Variants in TENT4A observed in about 807,000 individuals in gnomAD.
TENT4A encodes the protein terminal nucleotidyltransferase 4A, also known as DNA polymerase kappa.
TENT4A carries 7 observed loss-of-function variants against 72.8 expected under a neutral mutation model. That is an observed-to-expected ratio of 0.10 (90% CI 0.05 to 0.18). The LOEUF (loss-of-function observed/expected upper bound fraction) is 0.18, where lower values mean the gene tolerates loss of function less well. Ranked by LOEUF, TENT4A falls within the 10% of genes least tolerant of loss-of-function variation. TENT4A has a pLI of 1.00. For synonymous variants in TENT4A, 456 were observed against 434.3 expected (o/e 1.05, Z -0.62); for missense variants, 831 against 1,017.7 (o/e 0.82, Z 2.50).
intron 2 of TENT4A, 77 bp downstream of exon 2, chr5:6,737,710 G>C: frequency 6.8e-7 from 1 of 1,478,752 alleles, no homozygotes; most frequent in Admixed American, 2.2e-5. Context: ...ATGATGTGTC[G>C]GCTAGATCCA....
intron 1 of TENT4A, among the ~76,000 whole-genome samples, chr5:6,733,628 T>C (rs1215949075): frequency 6.6e-6 from 1 of 152,226 alleles, no homozygotes; most frequent in Non-Finnish European, 1.5e-5. Flanking sequence ...AGGTTTGGTA[T>C]GTGAGAACAT....
Position 6,714,252 on chromosome 5 carries a change from C to G in TENT4A, c.269C>G (p.Thr90Arg). 9.7e-7 allele frequency: 1 copy of G among 1,031,526 alleles called. No individual in the cohort carries two copies. Among genetic ancestry groups the G allele is most frequent in the African/African-American group, 1.7e-5 (1 of 57,292 alleles). 63.9% of individuals were successfully genotyped at this position (1,031,526 alleles called of 1,614,324 possible). A position where few individuals can be genotyped will look rare whatever the true frequency, so the allele number is the denominator to read the frequency against. ...GCCGCGCTGCCCCCCGCGCTGCTGACGGCGCTGGGGCCCGCGGCCGAGGGC... is the reference window on the plus strand; with the variant it reads ...GCCGCGCTGCCCCCCGCGCTGCTGAGGGCGCTGGGGCCCGCGGCCGAGGGC... ...APAALPPALL[T>R]ALGPAAEGAR... The change falls in exon 1 of 13, where the codon ACG becomes AGG. Residue 90 changes from threonine (T) to arginine (R), a missense_variant. By Grantham distance (71) the Thr-to-Arg change is moderately conservative. Coordinates refer to ENST00000230859, the MANE Select transcript of TENT4A (RefSeq NM_006999.6).
At chr5:6,732,601 A>T (rs1336960676) in intron 1 of TENT4A, among the ~76,000 whole-genome samples, 1 of 152,232 alleles carries the variant, frequency 6.6e-6, no homozygotes, top group Admixed American at 6.5e-5. Flanking sequence ...CTTGCAAGGC[A>T]GTGATTGTAA....
intron 1 of TENT4A, among the ~76,000 whole-genome samples, chr5:6,729,524 C>A (rs1030852458): frequency 6.6e-6 from 1 of 152,250 alleles, no homozygotes; most frequent in Non-Finnish European, 1.5e-5. Flanking sequence ...AGCTTCCAGG[C>A]GCAGTCACGC....
intron 1 of TENT4A, among the ~76,000 whole-genome samples, chr5:6,733,833 A>G (rs1472595604): frequency 1.3e-5 from 2 of 152,172 alleles, no homozygotes; most frequent in Admixed American, 6.5e-5. Flanking sequence ...CTGTGAAGGT[A>G]TGTGCACAGC....
At chr5:6,744,114 G>A (rs1242438426) in intron 6 of TENT4A, among the ~76,000 whole-genome samples, 1 of 152,178 alleles carries the variant, frequency 6.6e-6, no homozygotes, top group Non-Finnish European at 1.5e-5. Context: ...GGAATTCTCT[G>A]TATTCAGAAA....
rs1742382717 is a variant in TENT4A, at chr5:6,751,181, T to C, written c.2003T>C (p.Met668Thr). The C allele has an allele frequency of 1.2e-6, 2 of 1,614,114 alleles. No individual in the cohort carries two copies. The highest frequency in any genetic ancestry group is 2.2e-5 in the East Asian group (1 of 44,900). The change falls in exon 11 of 13, where the codon ATG (methionine) becomes ACG (threonine). Residue 668 changes from methionine (M) to threonine (T), a missense_variant. Physicochemically the swap from Met to Thr is moderately conservative, Grantham distance 81. Around this residue, in one of 3 missense-constraint regions of TENT4A, gnomAD observed 332 missense variants for 324.3 expected, o/e 1.02. Coordinates refer to ENST00000230859, the MANE Select transcript of TENT4A (RefSeq NM_006999.6). The stretch of plus-strand genomic sequence containing the variant: ...CCCACCACTTCCAGAACACTGATCA[T>C]GACAACCAACAATCAGGTACGTGGC... ...PQPTTSRTLIMTTNNQTRFTI... is the reference protein window; with the variant it reads ...PQPTTSRTLITTTNNQTRFTI...
intron 1 of TENT4A, among the ~76,000 whole-genome samples, chr5:6,726,443 G>A (rs1009051986): frequency 3.9e-5 from 6 of 152,132 alleles, no homozygotes; most frequent in Admixed American, 6.5e-5. Flanking sequence ...CGCCCCCTGC[G>A]TTGCCTCTGG....
chr5:6,714,758 C>CGCGGTCCTGGCCGGCGCCG, intron 1 of TENT4A, 59 bp downstream of exon 1: 3 of 1,001,072 alleles, frequency 3.0e-6, no homozygotes, highest in Non-Finnish European at 3.8e-6. Context: ...GGCCGGCGCC[C>CGCGGTCCTGGCCGGCGCCG]GCGGTGCAGA....
At chr5:6,734,880 GC>G (rs1741397346) in intron 1 of TENT4A, among the ~76,000 whole-genome samples, 1 of 152,190 alleles carries the variant, frequency 6.6e-6, no homozygotes, top group Non-Finnish European at 1.5e-5. Flanking sequence ...AAAAACGGAT[GC>G]CATGTTACGC....
intron 1 of TENT4A, among the ~76,000 whole-genome samples, chr5:6,716,858 G>A (rs528790906): frequency 2.0e-5 from 3 of 152,314 alleles, no homozygotes; most frequent in African/African-American, 7.2e-5. Context: ...CCCTTTGCTG[G>A]AGACCTCTCC....
At chr5:6,737,002 G>A (rs943126974) in intron 1 of TENT4A, among the ~76,000 whole-genome samples, 1 of 152,224 alleles carries the variant, frequency 6.6e-6, no homozygotes, top group Non-Finnish European at 1.5e-5. Flanking sequence ...GGGCCGCGGG[G>A]CCCCTGAGGA....
rs1740218129 is a variant in TENT4A at position 6,713,877 on chromosome 5, A to T, written c.-107A>T. ...CCGCCGCCGCCGCCGCCACCGGCCCAGGCCCGTCCGTCCGTCCGTGCGCGC... is the reference window on the plus strand; with the variant it reads ...CCGCCGCCGCCGCCGCCACCGGCCCTGGCCCGTCCGTCCGTCCGTGCGCGC... On this transcript the variant is annotated 5_prime_UTR_variant, in exon 1 of 13. Transcript: ENST00000230859. 9.1e-6 allele frequency: 2 copies of T among 220,718 alleles called. No homozygotes were observed. Among genetic ancestry groups the T allele is most frequent in the Non-Finnish European group, 7.3e-6 (1 of 136,582 alleles). 13.7% of individuals were successfully genotyped at this position (220,718 alleles called of 1,614,324 possible).
intron 1 of TENT4A, among the ~76,000 whole-genome samples, chr5:6,715,449 G>A (rs1436287863): frequency 6.6e-6 from 1 of 152,196 alleles, no homozygotes; most frequent in African/African-American, 2.4e-5. Context: ...TCCCAGGTGA[G>A]GCTGTTCAGG....
chr5:6,750,323 C>T lies in TENT4A; in HGVS notation c.1688-8C>T, dbSNP rs937831354. The T allele has an allele frequency of 1.2e-6, 2 of 1,603,546 alleles. No individual in the cohort carries two copies. Among genetic ancestry groups the T allele is most frequent in the Non-Finnish European group, 1.7e-6 (2 of 1,175,594 alleles). On this transcript the variant is annotated splice_region_variant and splice_polypyrimidine_tract_variant and intron_variant, in intron 9 of 12. Coordinates refer to ENST00000230859, the MANE Select transcript of TENT4A (RefSeq NM_006999.6). ...GGAGTTATTAACCAAGGCTTTTTCC[C>T]TCCACAGACAGCAGGATCAAGATCA...
intron 1 of TENT4A, among the ~76,000 whole-genome samples, chr5:6,724,696 A>C (rs150826001): frequency 7.2e-4 from 110 of 152,352 alleles, no homozygotes; most frequent in African/African-American, 2.6e-3. Flanking sequence ...ATAAAATAAC[A>C]AGGCCTGTGG....
Position 6,755,071 on chromosome 5 carries a change from C to A in TENT4A, c.*126C>A. ...GGCTCGCGGCACGCCCGCCGCTGAT[C>A]ACTCTGCATGTTTCTTCGTGTGGTG... On this transcript the variant is annotated 3_prime_UTR_variant, in exon 13 of 13. Coordinates refer to ENST00000230859, the MANE Select transcript of TENT4A (RefSeq NM_006999.6). 1.4e-6 allele frequency: 1 copy of A among 737,832 alleles called. No homozygotes were observed. The highest frequency in any genetic ancestry group is 2.1e-6 in the Non-Finnish European group (1 of 475,726). 45.7% of individuals were successfully genotyped at this position (737,832 alleles called of 1,614,324 possible).
At chr5:6,751,526 C>T (rs1224059880) in intron 11 of TENT4A, 1 of 252,776 alleles carries the variant, frequency 4.0e-6, no homozygotes, top group African/African-American at 2.2e-5. Context: ...TCAGTCACGA[C>T]CCACTTAGCT....
At chr5:6,751,242 C>G in intron 11 of TENT4A, 45 bp downstream of exon 11, 1 of 1,602,360 alleles carries the variant, frequency 6.2e-7, no homozygotes, top group Non-Finnish European at 8.6e-7. Flanking sequence ...CCCCTGGGAA[C>G]AGCATCCGAG....
Sources: allele counts gnomAD v4.1 joint callset (sites outside exome capture counted in the v4.1 genomes callset), GRCh38; gene constraint gnomAD v4.1.1; regional missense constraint gnomAD v4.1.1; transcripts MANE v1.5; gene names NCBI Gene and HGNC (gene_info 2026-07-23, HGNC 2026-07-21).